The following ZNF407 variants were observed in gnomAD, a reference collection of about 807,000 sequenced individuals.
ZNF407 encodes the protein zinc finger protein 407.
In ZNF407, 17 loss-of-function variants were observed where a neutral mutation model predicts 131.2. The ratio of observed to expected loss-of-function variants is 0.13; its 90% CI spans 0.09 to 0.19. ZNF407 has a LOEUF of 0.19. Among genes scored for constraint, ZNF407 ranks in the 10% least tolerant of loss-of-function variants. ZNF407 has a pLI of 1.00. For synonymous variants in ZNF407, 1,156 were observed against 1,062.0 expected (o/e 1.09, Z -1.72); for missense variants, 2,681 against 2,830.6 (o/e 0.95, Z 1.20).
At chr18:74,686,937 A>G (rs977439882) in intron 3 of ZNF407, among the ~76,000 whole-genome samples, 23 of 152,256 alleles carry the variant, frequency 1.5e-4, no homozygotes, top group African/African-American at 5.5e-4. Flanking sequence ...TTGAGCACGT[A>G]TTAGGTACCC....
chr18:75,043,879 A>G (rs1020837756), intron 8 of ZNF407, among the ~76,000 whole-genome samples: 1 of 152,226 alleles, frequency 6.6e-6, no homozygotes, highest in African/African-American at 2.4e-5. Flanking sequence ...AAAAATATTT[A>G]CAGGGGAACC....
chr18:74,705,246 A>G (rs550144406), intron 3 of ZNF407, among the ~76,000 whole-genome samples: 2 of 151,628 alleles, frequency 1.3e-5, no homozygotes, highest in Non-Finnish European at 2.9e-5. Flanking sequence ...GTCTGCTTCT[A>G]CTTGTTGAGG....
chr18:74,705,596 T>C (rs546132239), intron 3 of ZNF407, among the ~76,000 whole-genome samples: 20 of 152,332 alleles, frequency 1.3e-4, no homozygotes, highest in African/African-American at 4.6e-4. Flanking sequence ...TTGAATGTAG[T>C]TTGTTTATAA....
At position 75,041,544 on chromosome 18, in the gene ZNF407, T is replaced by TCA. The variant is rs1243796717; in HGVS notation, c.5429-21604_5429-21603dup. Among the ~76,000 whole-genome samples the TCA allele has an allele frequency of 2.0e-5, 3 of 151,424 alleles. No homozygotes were observed. In the East Asian group the frequency reaches 5.8e-4, roughly 29 times the overall value. ...CTACGATGTCTTTTTAGCCATGAGATCACTCAGGCCTAGTGGAAAAGTATT... is the reference window on the plus strand; with the variant it reads ...CTACGATGTCTTTTTAGCCATGAGATCACACTCAGGCCTAGTGGAAAAGTATT... On this transcript the variant is annotated intron_variant, in intron 8 of 8. Coordinates refer to ENST00000299687, the MANE Select transcript of ZNF407 (RefSeq NM_017757.3).
intron 3 of ZNF407, among the ~76,000 whole-genome samples, chr18:74,680,609 G>T (rs1040067787): frequency 1.3e-5 from 2 of 152,048 alleles, no homozygotes; most frequent in African/African-American, 4.8e-5. Context: ...TGTATGTGTG[G>T]TTAGGAGTGA....
At position 74,706,940 on chromosome 18, in the gene ZNF407, C is replaced by CCTTTTTTTTTT. The variant is rs1967637808; in HGVS notation, c.4802+65818_4802+65819insCTTTTTTTTTT. Among the ~76,000 whole-genome samples, 67 of 132,364 alleles carry CCTTTTTTTTTT rather than the reference C, an allele frequency of 5.1e-4. 1 individual carries two copies. The highest frequency in any genetic ancestry group is 9.6e-4 in the Non-Finnish European group (60 of 62,584). 86.8% of individuals were successfully genotyped at this position (132,364 alleles called of 152,430 possible). ...CATTCCACAGGGGCAAAGACAGCAG[C>CCTTTTTTTTTT]TTTTTTTTTTTTTTTTTTTTTTTTT... On this transcript the variant is annotated intron_variant, in intron 3 of 8. Transcript: ENST00000299687.
intron 7 of ZNF407, among the ~76,000 whole-genome samples, chr18:74,907,792 G>T (rs1465388950): frequency 6.6e-6 from 1 of 152,148 alleles, no homozygotes; most frequent in East Asian, 1.9e-4. Flanking sequence ...ACTTTCAAGG[G>T]TGTGTGTATA....
At chr18:74,671,900 G>A (rs1038893264) in intron 3 of ZNF407, among the ~76,000 whole-genome samples, 2 of 152,100 alleles carry the variant, frequency 1.3e-5, no homozygotes, top group African/African-American at 4.8e-5. Flanking sequence ...TTTATTAAAG[G>A]GTTAGCTTTA....
rs142778326 is a variant in ZNF407, at chr18:74,903,647, A to C, written c.5249+13609A>C. On this transcript the variant is annotated intron_variant, in intron 7 of 8. Transcript: ENST00000299687. ...AGTTAACAGAAGTGGAAAGAATAAA[A>C]CTTTTCCTATGAGGGAATAAATATG... is the stretch of plus-strand genomic sequence containing the variant. 4.2e-3 allele frequency among the ~76,000 whole-genome samples: 635 copies of C among 152,306 alleles called. 3 individuals are homozygous for C. Among genetic ancestry groups the C allele is most frequent in the African/African-American group, 0.014 (595 of 41,556 alleles).
intron 8 of ZNF407, among the ~76,000 whole-genome samples, chr18:74,941,176 G>A (rs1972094898): frequency 6.6e-6 from 1 of 152,188 alleles, no homozygotes; most frequent in Non-Finnish European, 1.5e-5. Flanking sequence ...CCACAAAACT[G>A]ACATCCAGTG....
At chr18:74,837,246 A>G (rs1452717597) in intron 4 of ZNF407, among the ~76,000 whole-genome samples, 2 of 152,212 alleles carry the variant, frequency 1.3e-5, no homozygotes, top group East Asian at 3.8e-4. Context: ...AAAATAGTAT[A>G]TCCCCCTTTT....
chr18:74,740,274 C>T (rs1968517904), intron 3 of ZNF407, among the ~76,000 whole-genome samples: 1 of 152,182 alleles, frequency 6.6e-6, no homozygotes, highest in Admixed American at 6.5e-5. Flanking sequence ...TATCAAATTT[C>T]AGTCTGCCTC....
chr18:74,898,416 T>C (rs1218149109), intron 7 of ZNF407: 31 of 152,240 alleles, frequency 2.0e-4, no homozygotes, highest in Non-Finnish European at 1.5e-5. Context: ...ACTTCTGAGG[T>C]TTTGTTTTGT....
intron 4 of ZNF407, among the ~76,000 whole-genome samples, chr18:74,792,910 T>G (rs1969852497): frequency 6.6e-6 from 1 of 152,216 alleles, no homozygotes; most frequent in Admixed American, 6.5e-5. Flanking sequence ...TTACAGAATC[T>G]ATGAGGCACT....
intron 8 of ZNF407, among the ~76,000 whole-genome samples, chr18:74,924,320 A>G (rs1182227241): frequency 6.6e-6 from 1 of 151,760 alleles, no homozygotes; most frequent in Non-Finnish European, 1.5e-5. Flanking sequence ...TCTTTTCTGT[A>G]TATACTTAAA....
rs71170334 is a variant in ZNF407 at position 74,999,348 on chromosome 18, TAAAAAAAA to T, written c.5429-63782_5429-63775del. Among the ~76,000 whole-genome samples, 77 of 60,486 alleles carry T rather than the reference TAAAAAAAA, an allele frequency of 1.3e-3. 1 individual carries two copies. The highest frequency in any genetic ancestry group is 3.3e-3 in the African/African-American group (65 of 19,538). 39.7% of individuals were successfully genotyped at this position (60,486 alleles called of 152,430 possible). A position where few individuals can be genotyped will look rare whatever the true frequency, so the allele number is the denominator to read the frequency against. On this transcript the variant is annotated intron_variant, in intron 8 of 8. Transcript: ENST00000299687. ...ATGTACCCTAAAACTTAGAGTATAATAAAAAAAAAAAAAAAAAAAAAAAAAAACAAAGG... is the reference window on the plus strand; with the variant it reads ...ATGTACCCTAAAACTTAGAGTATAATAAAAAAAAAAAAAAAAAAACAAAGG...
At chr18:74,918,392 G>A (rs1330397161) in intron 7 of ZNF407, among the ~76,000 whole-genome samples, 1 of 152,214 alleles carries the variant, frequency 6.6e-6, no homozygotes. Context: ...TCTGTGAATT[G>A]TGTAGCAGTC....
intron 3 of ZNF407, among the ~76,000 whole-genome samples, chr18:74,670,408 A>G (rs1298370838): frequency 1.3e-5 from 2 of 152,214 alleles, no homozygotes; most frequent in Non-Finnish European, 2.9e-5. Flanking sequence ...CATCTCCAGC[A>G]CTCATTAGGA....
At chr18:74,951,888 C>G (rs1972218444) in intron 8 of ZNF407, among the ~76,000 whole-genome samples, 1 of 141,266 alleles carries the variant, frequency 7.1e-6, no homozygotes. Context: ...AGAACAGGAT[C>G]TGACAAAAAA....
Sources: gnomAD v4.1 joint callset for allele counts (sites outside exome capture counted in the v4.1 genomes callset) on GRCh38, gnomAD v4.1.1 for gene constraint, MANE v1.5 for transcripts, NCBI Gene and HGNC (gene_info 2026-07-23, HGNC 2026-07-21) for gene names.